Variants in APP observed in about 807,000 individuals in gnomAD.
The protein encoded by APP is amyloid beta precursor protein.
APP carries 31 observed loss-of-function variants against 101.4 expected under a neutral mutation model. That is an observed-to-expected ratio of 0.31 (90% CI 0.23 to 0.41). APP has a LOEUF of 0.41. Ranked by LOEUF, APP falls within the 10% of genes least tolerant of loss-of-function variation. The pLI, the probability that APP is intolerant of heterozygous loss-of-function variation, is 1.00. For missense variants in APP, 839 were observed against 1,003.7 expected (o/e 0.84, Z 2.22); for synonymous variants, 366 against 364.4 (o/e 1.00, Z -0.05).
intron 3 of APP, among the ~76,000 whole-genome samples, chr21:26,055,789 A>G (rs1281339604): frequency 6.6e-6 from 1 of 152,238 alleles, no homozygotes; most frequent in Non-Finnish European, 1.5e-5. Flanking sequence ...AGTTTAAAAA[A>G]TCTAATGCTG....
At chr21:25,970,600 A>G (rs1371001147) in intron 11 of APP, among the ~76,000 whole-genome samples, 1 of 152,232 alleles carries the variant, frequency 6.6e-6, no homozygotes, top group African/African-American at 2.4e-5. Context: ...TTGCTAAGAT[A>G]GAGAATTTTG....
At chr21:25,953,761 C>A (rs1196703667) in intron 13 of APP, among the ~76,000 whole-genome samples, 1 of 152,020 alleles carries the variant, frequency 6.6e-6, no homozygotes, top group Non-Finnish European at 1.5e-5. Flanking sequence ...TATTCTCTTT[C>A]CAAGAGAAAC....
chr21:26,084,404 A>AT (rs1258348525), intron 3 of APP, among the ~76,000 whole-genome samples: 3 of 151,808 alleles, frequency 2.0e-5, no homozygotes, highest in Non-Finnish European at 2.9e-5. Context: ...CGCCTGGCTA[A>AT]TTTTTTTGTA....
chr21:25,886,327 T>TTGAC (rs1404919182), intron 17 of APP, among the ~76,000 whole-genome samples: 2 of 152,160 alleles, frequency 1.3e-5, no homozygotes, highest in African/African-American at 4.8e-5. Flanking sequence ...TAGAAGGCAG[T>TTGAC]TGACTATGTT....
intron 3 of APP, among the ~76,000 whole-genome samples, chr21:26,078,099 T>A (rs1188824348): frequency 2.0e-5 from 3 of 152,246 alleles, no homozygotes. Context: ...AAGCATATTC[T>A]TTTCCTCAGT....
At chr21:26,083,081 A>C (rs2146084984) in intron 3 of APP, among the ~76,000 whole-genome samples, 1 of 152,340 alleles carries the variant, frequency 6.6e-6, no homozygotes, top group African/African-American at 2.4e-5. Flanking sequence ...TGTTAAACTC[A>C]GGATCATAAA....
In APP at chr21:25,899,017, C is replaced by T. The variant is rs569050823; in HGVS notation, c.1964-1344G>A. On this transcript the variant is annotated intron_variant, in intron 15 of 17. Coordinates refer to ENST00000346798, the MANE Select transcript of APP (RefSeq NM_000484.4). ...AATCTGACAAAACCTAGGAAATCCA[C>T]GCTGGTTGTGACCTAGCACCATTTC... Among the ~76,000 whole-genome samples the T allele has an allele frequency of 3.3e-5, 5 of 152,338 alleles. No homozygotes were observed. The East Asian group carries it at 5.8e-4, about 18-fold the overall frequency.
intron 1 of APP, among the ~76,000 whole-genome samples, chr21:26,122,834 T>C (rs2062604731): frequency 6.6e-6 from 1 of 150,398 alleles, no homozygotes; most frequent in African/African-American, 2.4e-5. Flanking sequence ...TTAGAAGAGA[T>C]CACAGGCAAG....
chr21:26,135,763 T>C (rs1262057744), intron 1 of APP, among the ~76,000 whole-genome samples: 1 of 152,092 alleles, frequency 6.6e-6, no homozygotes, highest in Non-Finnish European at 1.5e-5. Flanking sequence ...TGTCACCACA[T>C]TAGGAGTGTT....
At chr21:26,025,073 T>C (rs1230106081) in intron 5 of APP, among the ~76,000 whole-genome samples, 1 of 152,206 alleles carries the variant, frequency 6.6e-6, no homozygotes, top group Non-Finnish European at 1.5e-5. Context: ...GTTGGAAGCC[T>C]TTATCTCCTC....
chr21:26,120,983 C>T (rs986491368), intron 1 of APP, among the ~76,000 whole-genome samples: 4 of 58 alleles, frequency 0.069, no homozygotes, highest in South Asian at 0.5. Flanking sequence ...TCTTGCCACA[C>T]GTAGGCTCCC....
chr21:26,121,785 T>A (rs1170057441), intron 1 of APP, among the ~76,000 whole-genome samples: 1 of 152,250 alleles, frequency 6.6e-6, no homozygotes, highest in Non-Finnish European at 1.5e-5. Flanking sequence ...ATATGCTTAA[T>A]GCACAAGTAA....
At chr21:26,052,769 G>A (rs777769918) in intron 4 of APP, among the ~76,000 whole-genome samples, 6 of 151,994 alleles carry the variant, frequency 3.9e-5, no homozygotes, top group Non-Finnish European at 5.9e-5. Context: ...AGATAACAGG[G>A]GAAAAGGCTA....
chr21:25,927,002 CAAAAAAAAAAAAAAAA>C (rs36048306), intron 13 of APP, among the ~76,000 whole-genome samples: 1 of 67,268 alleles, frequency 1.5e-5, no homozygotes, highest in Non-Finnish European at 2.5e-5. Flanking sequence ...GACTCCGTCT[CAAAAAAAAAAAAAAAA>C]AAAAAAAAAA....
chr21:25,958,559 G>GAA (rs1555903603), intron 11 of APP, among the ~76,000 whole-genome samples: 5 of 108 alleles, frequency 0.046, no homozygotes, highest in East Asian at 0.22. Context: ...TTACAGGCGT[G>GAA]CGACCAGTGC....
At chr21:26,023,724 A>G (rs2044450061) in intron 5 of APP, among the ~76,000 whole-genome samples, 1 of 152,252 alleles carries the variant, frequency 6.6e-6, no homozygotes. Context: ...AAACCAACAC[A>G]GATCACCAGG....
At chr21:25,891,642 C>A (rs1477028337) in intron 17 of APP, 80 bp downstream of exon 17, 1 of 1,370,498 alleles carries the variant, frequency 7.3e-7, no homozygotes. Flanking sequence ...AGATACTTAG[C>A]TAGTTCTTAG....
At chr21:26,095,409 C>T (rs2061920650) in intron 2 of APP, among the ~76,000 whole-genome samples, 1 of 152,218 alleles carries the variant, frequency 6.6e-6, no homozygotes. Context: ...TTGATCACTT[C>T]ATCACAGCGC....
At chr21:25,974,080 T>G (rs147404670) in intron 11 of APP, among the ~76,000 whole-genome samples, 2 of 152,180 alleles carry the variant, frequency 1.3e-5, no homozygotes, top group African/African-American at 4.8e-5. Flanking sequence ...ACATGCCTTT[T>G]TGGGGCAATG....
Sources: gnomAD v4.1 joint callset for allele counts (sites outside exome capture counted in the v4.1 genomes callset) on GRCh38, gnomAD v4.1.1 for gene constraint, MANE v1.5 for transcripts, NCBI Gene and HGNC (gene_info 2026-07-23, HGNC 2026-07-21) for gene names.